Variants in ZKSCAN3 observed in about 807,000 individuals in gnomAD.
ZKSCAN3 encodes zinc finger protein with KRAB and SCAN domains 3.
In ZKSCAN3, 21 loss-of-function variants were observed where a neutral mutation model predicts 30.7. The observed-to-expected ratio is 0.68, with a 90% CI of 0.49 to 0.99. The LOEUF is 0.99. Ranked by LOEUF, ZKSCAN3 falls within the 50% of genes least tolerant of loss-of-function variation. ZKSCAN3 has a pLI of 0.00. For synonymous variants in ZKSCAN3, 201 were observed against 246.7 expected (o/e 0.81, Z 1.73); for missense variants, 507 against 647.1 (o/e 0.78, Z 2.35).
rs767933328 is a variant in ZKSCAN3 at position 28,365,459 on chromosome 6, C to T, written c.791C>T (p.Pro264Leu). 31 of 1,613,386 alleles carry T rather than the reference C, an allele frequency of 1.9e-5. No individual in the cohort carries two copies. The highest frequency in any genetic ancestry group is 2.6e-5 in the Non-Finnish European group (31 of 1,179,726). ...DEKQTKSRDL[P>L]PAEELPEKEH... ...AAACAGACTAAGAGCAGGGACTTGCCTCCAGCTGAGGAGCTTCCAGAAAAG... is the reference window on the plus strand; with the variant it reads ...AAACAGACTAAGAGCAGGGACTTGCTTCCAGCTGAGGAGCTTCCAGAAAAG... Residue 264 changes from proline (P) to leucine (L), a missense_variant, in exon 6 of 6, where the codon CCT (proline) becomes CTT (leucine). Physicochemically the swap from Pro to Leu is moderately conservative, Grantham distance 98. Coordinates refer to ENST00000252211, the MANE Select transcript of ZKSCAN3 (RefSeq NM_024493.4).
At chr6:28,354,889 T>C (rs1017605508) in intron 1 of ZKSCAN3, among the ~76,000 whole-genome samples, 18 of 152,374 alleles carry the variant, frequency 1.2e-4, no homozygotes, top group African/African-American at 4.1e-4. Context: ...TAAGCCTTGA[T>C]AAACTGCCCA....
At chr6:28,363,960 T>C (rs963929012) in intron 5 of ZKSCAN3, 145 bp downstream of exon 5, 4 of 1,053,112 alleles carry the variant, frequency 3.8e-6, no homozygotes, top group South Asian at 1.6e-5. Context: ...GACTAGCTCC[T>C]TACCCTTTCT....
rs1765985799 is a variant in ZKSCAN3 at position 28,366,802 on chromosome 6, G to A, written c.*517G>A. The A allele has an allele frequency of 6.5e-6, 1 of 152,850 alleles. No homozygotes were observed. Among genetic ancestry groups the A allele is most frequent in the African/African-American group, 2.4e-5 (1 of 41,430 alleles). The allele number at this position is 152,850 out of a possible 1,614,324, so 9.5% of individuals were successfully genotyped here. A position where few individuals can be genotyped will look rare whatever the true frequency, so the allele number is the denominator to read the frequency against. ...ATCTGATGTTATCCAGGTTTCTGAA[G>A]AACTTCTCGCCAAGGCCATTTGTGC... On this transcript the variant is annotated 3_prime_UTR_variant, in exon 6 of 6. Coordinates refer to ENST00000252211, the MANE Select transcript of ZKSCAN3 (RefSeq NM_024493.4).
At position 28,363,953 on chromosome 6, in the gene ZKSCAN3, T is replaced by A. The variant is rs1298226086; in HGVS notation, c.757+138T>A. The A allele has an allele frequency of 8.0e-6, 9 of 1,125,432 alleles. No homozygotes were observed. In the African/African-American group the frequency reaches 1.3e-4, roughly 16 times the overall value. 69.7% of individuals were successfully genotyped at this position (1,125,432 alleles called of 1,614,324 possible). A position where few individuals can be genotyped will look rare whatever the true frequency, so the allele number is the denominator to read the frequency against. On this transcript the variant is annotated intron_variant, in intron 5 of 5. Transcript: ENST00000252211. The stretch of plus-strand genomic sequence containing the variant: ...CCATTTCTGAAAGCCTGTAACTGAC[T>A]AGCTCCTTACCCTTTCTTTTTTTGT...
In ZKSCAN3 at chr6:28,367,619, A is replaced by G. The variant is rs1434171341; in HGVS notation, c.*1334A>G. On this transcript the variant is annotated 3_prime_UTR_variant, in exon 6 of 6. Transcript: ENST00000252211. ...AATGCCTCCTAAAACAATAGATACT[A>G]TCCTGCCCCACCCTACCACCCAACA... 1 of 152,168 alleles carries G rather than the reference A, an allele frequency of 6.6e-6. No homozygotes were observed. Among genetic ancestry groups the G allele is most frequent in the Non-Finnish European group, 1.5e-5 (1 of 68,034 alleles). 9.4% of individuals were successfully genotyped at this position (152,168 alleles called of 1,614,324 possible). A position where few individuals can be genotyped will look rare whatever the true frequency, so the allele number is the denominator to read the frequency against.
In ZKSCAN3 at chr6:28,367,214, C is replaced by T. The variant is rs763649048; in HGVS notation, c.*929C>T. On this transcript the variant is annotated 3_prime_UTR_variant, in exon 6 of 6. Transcript: ENST00000252211. Reference sequence around the variant, plus strand: ...TACAGGCATGAGCCACCATGCCCGGCCAAGAATCCATATTTCTTTACCAGA... The same window carrying T: ...TACAGGCATGAGCCACCATGCCCGGTCAAGAATCCATATTTCTTTACCAGA... 6.6e-6 allele frequency: 1 copy of T among 152,132 alleles called. No individual in the cohort carries two copies. The highest frequency in any genetic ancestry group is 1.5e-5 in the Non-Finnish European group (1 of 68,058). 9.4% of individuals were successfully genotyped at this position (152,132 alleles called of 1,614,324 possible). A position where few individuals can be genotyped will look rare whatever the true frequency, so the allele number is the denominator to read the frequency against.
At chr6:28,360,243 A>G (rs1765691427) in intron 2 of ZKSCAN3, 1 of 619,894 alleles carries the variant, frequency 1.6e-6, no homozygotes, top group South Asian at 2.1e-5. Context: ...ACTTTGTATT[A>G]AAGTCATACT....
intron 1 of ZKSCAN3, among the ~76,000 whole-genome samples, chr6:28,357,170 C>T (rs150880424): frequency 8.5e-4 from 130 of 152,342 alleles, no homozygotes; most frequent in African/African-American, 2.6e-3. Context: ...TGTGTGCGTG[C>T]GCTCCAATCC....
chr6:28,365,861 A>G lies in ZKSCAN3; in HGVS notation c.1193A>G (p.Tyr398Cys), dbSNP rs754748913. Reference sequence around the variant, plus strand: ...AGAACCCACACTGGGGAGAAGCCCTATGAGTGTGATGACTGTGGGAAGACC... The same window carrying G: ...AGAACCCACACTGGGGAGAAGCCCTGTGAGTGTGATGACTGTGGGAAGACC... The part of the protein sequence containing the change: ...HQRTHTGEKP[Y>C]ECDDCGKTFS... The change falls in exon 6 of 6, where the codon TAT (tyrosine) becomes TGT (cysteine). Residue 398 changes from tyrosine (Y) to cysteine (C), a missense_variant. Physicochemically the swap from Tyr to Cys is radical, Grantham distance 194 (BLOSUM62 -2). Coordinates refer to ENST00000252211, the MANE Select transcript of ZKSCAN3 (RefSeq NM_024493.4). 2.5e-6 allele frequency: 4 copies of G among 1,613,862 alleles called. No homozygotes were observed. The highest frequency in any genetic ancestry group is 1.1e-5 in the South Asian group (1 of 91,032).
intron 4 of ZKSCAN3, 128 bp from the exon 5 acceptor site, chr6:28,363,564 C>A: frequency 6.9e-7 from 1 of 1,455,526 alleles, no homozygotes; most frequent in Non-Finnish European, 9.4e-7. Context: ...TTTAGGTGCC[C>A]ACTTAAGAGG....
In ZKSCAN3 at chr6:28,365,676, C is replaced by T; in HGVS notation, c.1008C>T (p.His336=). ...SSGLSKHRRI[H]TGEKPYECEE... ...GCCTGAGTAAACACAGGAGAATCCA[C>T]ACTGGTGAGAAACCCTACGAATGTG... The change falls in exon 6 of 6, where the codon CAC becomes CAT. Residue 336 remains histidine, a synonymous_variant. Coordinates refer to ENST00000252211, the MANE Select transcript of ZKSCAN3 (RefSeq NM_024493.4). 1 of 1,614,192 alleles carries T rather than the reference C, an allele frequency of 6.2e-7. No homozygotes were observed. The highest frequency in any genetic ancestry group is 2.2e-5 in the East Asian group (1 of 44,888).
At position 28,363,315 on chromosome 6, in the gene ZKSCAN3, C is replaced by T; in HGVS notation, c.563C>T (p.Pro188Leu). ...CTTTCCTTCTTAGTTCTCCAGGTCC[C>T]CGTGCTTGCCCATGGAGGATGCTGC... ...QPLQDRVLQV[P>L]VLAHGGCCRE... is the part of the protein sequence containing the mutation. The change falls in exon 4 of 6, where the codon CCC (proline) becomes CTC (leucine). Residue 188 changes from proline to leucine, a missense_variant. By Grantham distance (98) the Pro-to-Leu change is moderately conservative. Transcript: ENST00000252211. 6.2e-7 allele frequency: 1 copy of T among 1,614,018 alleles called. No individual in the cohort carries two copies.
Position 28,365,645 on chromosome 6 carries a change from G to C in ZKSCAN3, c.977G>C (p.Ser326Thr). The part of the protein sequence containing the change: ...CHECGKSFAQ[S>T]SGLSKHRRIH... ...GAATGTGGAAAGAGTTTTGCTCAAA[G>C]CTCAGGCCTGAGTAAACACAGGAGA... The change falls in exon 6 of 6, where the codon AGC becomes ACC. Residue 326 changes from serine to threonine, a missense_variant. Physicochemically the swap from Ser to Thr is moderately conservative, Grantham distance 58. Coordinates refer to ENST00000252211, the MANE Select transcript of ZKSCAN3 (RefSeq NM_024493.4). 1 of 1,614,278 alleles carries C rather than the reference G, an allele frequency of 6.2e-7. No individual in the cohort carries two copies. The highest frequency in any genetic ancestry group is 8.5e-7 in the Non-Finnish European group (1 of 1,180,046).
At position 28,368,491 on chromosome 6, in the gene ZKSCAN3, A is replaced by G. The variant is rs1473434325; in HGVS notation, c.*2206A>G. ...TTTTTTTTTCCCATCATGATAGTCA[A>G]AATTTTAGTCTGTGTATTCAAGTGA... is the stretch of plus-strand genomic sequence containing the variant. On this transcript the variant is annotated 3_prime_UTR_variant, in exon 6 of 6. Coordinates refer to ENST00000252211, the MANE Select transcript of ZKSCAN3 (RefSeq NM_024493.4). 1.3e-5 allele frequency: 2 copies of G among 152,188 alleles called. No individual in the cohort carries two copies. Among genetic ancestry groups the G allele is most frequent in the Non-Finnish European group, 2.9e-5 (2 of 68,024 alleles). The allele number at this position is 152,188 out of a possible 1,614,324, so 9.4% of individuals were successfully genotyped here.
At chr6:28,356,268 C>T (rs950157098) in intron 1 of ZKSCAN3, 10 of 152,260 alleles carry the variant, frequency 6.6e-5, no homozygotes, top group South Asian at 2.1e-4. Flanking sequence ...AGTTGCCCAG[C>T]AATGTCCTTT....
Position 28,365,452 on chromosome 6 carries a change from G to T in ZKSCAN3, c.784G>T (p.Asp262Tyr). 2 of 1,612,924 alleles carry T rather than the reference G, an allele frequency of 1.2e-6. No homozygotes were observed. The highest frequency in any genetic ancestry group is 8.5e-7 in the Non-Finnish European group (1 of 1,179,436). The change falls in exon 6 of 6, where the codon GAC becomes TAC. Residue 262 changes from aspartate (D) to tyrosine (Y), a missense_variant. Asp to Tyr is a radical substitution (Grantham distance 160, BLOSUM62 -3). Coordinates refer to ENST00000252211, the MANE Select transcript of ZKSCAN3 (RefSeq NM_024493.4). ...LGDEKQTKSR[D>Y]LPPAEELPEK... ...TGATGAAAAACAGACTAAGAGCAGG[G>T]ACTTGCCTCCAGCTGAGGAGCTTCC...
rs1764994952 is a variant in ZKSCAN3 at position 28,351,287 on chromosome 6, T to G, written c.-63+1220T>G. The stretch of plus-strand genomic sequence containing the variant: ...GAGTTTGTGGAATAAATGATATAAA[T>G]GTATCAGTGTTGTTTTCCTGCCATA... On this transcript the variant is annotated intron_variant, in intron 1 of 5. Coordinates refer to ENST00000252211, the MANE Select transcript of ZKSCAN3 (RefSeq NM_024493.4). The surrounding 1 kb of genome is among the most constrained non-coding windows in gnomAD (Gnocchi z 4.6). Among the ~76,000 whole-genome samples the G allele has an allele frequency of 6.6e-6, 1 of 152,152 alleles. No individual in the cohort carries two copies. The highest frequency in any genetic ancestry group is 2.4e-5 in the African/African-American group (1 of 41,428).
chr6:28,362,978 T>C (rs1015226452), intron 3 of ZKSCAN3, among the ~76,000 whole-genome samples: 5 of 152,218 alleles, frequency 3.3e-5, no homozygotes, highest in Non-Finnish European at 5.9e-5. Flanking sequence ...GGATCCTGCC[T>C]TTTTGCATTG....
In ZKSCAN3 at chr6:28,350,020, G is replaced by A. The variant is rs561170577; in HGVS notation, c.-110G>A. ...CCACTGTGGGGTTAAATCTCATCCC[G>A]CGGCTCTCCTCCTGTCGGTCCTGCA... On this transcript the variant is annotated 5_prime_UTR_variant, in exon 1 of 6. Transcript: ENST00000252211. The A allele has an allele frequency of 6.6e-6, 1 of 152,542 alleles. No homozygotes were observed. The highest frequency in any genetic ancestry group is 2.1e-4 in the South Asian group (1 of 4,820). The allele number at this position is 152,542 out of a possible 1,614,324, so 9.4% of individuals were successfully genotyped here. A position where few individuals can be genotyped will look rare whatever the true frequency, so the allele number is the denominator to read the frequency against.
Sources: allele counts gnomAD v4.1 joint callset (sites outside exome capture counted in the v4.1 genomes callset), GRCh38; gene constraint gnomAD v4.1.1; non-coding constraint Gnocchi (gnomAD v3.1); transcripts MANE v1.5; gene names NCBI Gene and HGNC (gene_info 2026-07-23, HGNC 2026-07-21).